Variants in PDSS2 observed in about 807,000 individuals in gnomAD.
PDSS2 encodes the protein all trans-polyprenyl-diphosphate synthase PDSS2.
Under a neutral mutation model 44.5 loss-of-function variants are expected in PDSS2, and 31 were observed. The ratio of observed to expected loss-of-function variants is 0.70; its 90% CI spans 0.52 to 0.94. The LOEUF (loss-of-function observed/expected upper bound fraction) is 0.94, where lower values mean the gene tolerates loss of function less well. Among genes scored for constraint, PDSS2 ranks in the 40% least tolerant of loss-of-function variants. The pLI is 0.00. For missense variants in PDSS2, 452 were observed against 482.2 expected (o/e 0.94, Z 0.59); for synonymous variants, 157 against 180.3 (o/e 0.87, Z 1.03).
chr6:107,428,211 A>G (rs1781064692), intron 1 of PDSS2, among the ~76,000 whole-genome samples: 1 of 152,260 alleles, frequency 6.6e-6, no homozygotes, highest in Non-Finnish European at 1.5e-5. Context: ...TCAAAATAAA[A>G]GGATGCAACA....
chr6:107,431,767 T>C (rs1384628477), intron 1 of PDSS2, among the ~76,000 whole-genome samples: 1 of 152,218 alleles, frequency 6.6e-6, no homozygotes, highest in Non-Finnish European at 1.5e-5. Flanking sequence ...AGTAGCTATA[T>C]TTATTGAACA....
chr6:107,382,913 A>G lies in PDSS2; in HGVS notation c.297-48581T>C, dbSNP rs577564839. 9.8e-5 allele frequency among the ~76,000 whole-genome samples: 15 copies of G among 152,286 alleles called. No homozygotes were observed. In the South Asian group the frequency reaches 1.9e-3, roughly 19 times the overall value. On this transcript the variant is annotated intron_variant, in intron 1 of 7. Coordinates refer to ENST00000369037, the MANE Select transcript of PDSS2 (RefSeq NM_020381.4). ...AAGACGCAGAGTTCAATCAACAGGG[A>G]AAATAATATTTCCAATAAATGGTAT...
chr6:107,202,396 CAAAA>C (rs1772815570), intron 6 of PDSS2, among the ~76,000 whole-genome samples: 1 of 149,636 alleles, frequency 6.7e-6, no homozygotes, highest in Admixed American at 6.7e-5. Context: ...AAAAAACAAA[CAAAA>C]CAAAACAAAA....
intron 1 of PDSS2, among the ~76,000 whole-genome samples, chr6:107,387,078 C>T (rs1339774697): frequency 2.0e-5 from 3 of 152,226 alleles, no homozygotes; most frequent in African/African-American, 7.2e-5. Flanking sequence ...ATTTTTCCAC[C>T]AACCTGTTGC....
At chr6:107,400,647 T>C (rs1780078562) in intron 1 of PDSS2, among the ~76,000 whole-genome samples, 1 of 152,172 alleles carries the variant, frequency 6.6e-6, no homozygotes, top group South Asian at 2.1e-4. Flanking sequence ...TACCACGTGC[T>C]AAGCTGTGGA....
At chr6:107,288,824 A>C (rs1331921985) in intron 2 of PDSS2, among the ~76,000 whole-genome samples, 1 of 132,362 alleles carries the variant, frequency 7.6e-6, no homozygotes, top group East Asian at 2.3e-4. Context: ...CAGTGGTACG[A>C]TCTCGGCTCA....
At chr6:107,205,609 G>A (rs927149621) in intron 6 of PDSS2, among the ~76,000 whole-genome samples, 1 of 152,188 alleles carries the variant, frequency 6.6e-6, no homozygotes, top group Non-Finnish European at 1.5e-5. Flanking sequence ...GGAGAGATCT[G>A]TAGAATTTAG....
chr6:107,381,057 G>A (rs1439133573), intron 1 of PDSS2, among the ~76,000 whole-genome samples: 1 of 152,154 alleles, frequency 6.6e-6, no homozygotes, highest in Non-Finnish European at 1.5e-5. Context: ...TCCATTATCA[G>A]TCTACCCTAT....
chr6:107,422,805 T>TA (rs1377372919), intron 1 of PDSS2, among the ~76,000 whole-genome samples: 1 of 152,096 alleles, frequency 6.6e-6, no homozygotes. Flanking sequence ...TTTCGTTATA[T>TA]ATTTCTGTAT....
rs1770787910 is a variant in PDSS2 at position 107,153,803 on chromosome 6, C to A, written c.*816G>T. The A allele has an allele frequency of 6.6e-6, 1 of 152,344 alleles. No homozygotes were observed. Among genetic ancestry groups the A allele is most frequent in the Non-Finnish European group, 1.5e-5 (1 of 68,086 alleles). The allele number at this position is 152,344 out of a possible 1,614,324, so 9.4% of individuals were successfully genotyped here. Reference sequence around the variant, plus strand: ...AAATCCAGAGACATGAGGCCAGGTGCAGTGGCTCAAGCCTCTAATCCCAGC... The same window carrying A: ...AAATCCAGAGACATGAGGCCAGGTGAAGTGGCTCAAGCCTCTAATCCCAGC... On this transcript the variant is annotated 3_prime_UTR_variant, in exon 8 of 8. Coordinates refer to ENST00000369037, the MANE Select transcript of PDSS2 (RefSeq NM_020381.4).
intron 1 of PDSS2, among the ~76,000 whole-genome samples, chr6:107,441,542 T>C (rs1781510856): frequency 6.6e-6 from 1 of 152,282 alleles, no homozygotes; most frequent in African/African-American, 2.4e-5. Context: ...AAGAATTAGG[T>C]CACAAAATTA....
intron 7 of PDSS2, among the ~76,000 whole-genome samples, chr6:107,163,019 G>A (rs782442092): frequency 6.6e-6 from 1 of 152,080 alleles, no homozygotes; most frequent in Non-Finnish European, 1.5e-5. Context: ...GATAAATCCA[G>A]TTCATAAATC....
intron 2 of PDSS2, among the ~76,000 whole-genome samples, chr6:107,286,100 T>C (rs898808241): frequency 1.6e-5 from 2 of 128,716 alleles, no homozygotes; most frequent in Non-Finnish European, 3.1e-5. Context: ...AGATCTAGGC[T>C]GGAGCCTAGT....
At chr6:107,179,075 T>A (rs1320512567) in intron 7 of PDSS2, among the ~76,000 whole-genome samples, 5 of 152,182 alleles carry the variant, frequency 3.3e-5, no homozygotes, top group African/African-American at 1.2e-4. Context: ...ATGGCATGCA[T>A]CTTAAAGAAA....
chr6:107,351,495 A>T (rs1778433260), intron 1 of PDSS2, among the ~76,000 whole-genome samples: 1 of 152,184 alleles, frequency 6.6e-6, no homozygotes, highest in Admixed American at 6.5e-5. Context: ...ATGCTTGACT[A>T]TTTAGAATAT....
chr6:107,258,347 A>G (rs571292825), intron 3 of PDSS2, among the ~76,000 whole-genome samples: 1 of 152,000 alleles, frequency 6.6e-6, no homozygotes, highest in East Asian at 1.9e-4. Context: ...GGATCTGGTT[A>G]TAAGATGCAA....
intron 1 of PDSS2, among the ~76,000 whole-genome samples, chr6:107,396,295 A>G (rs1779937349): frequency 6.6e-6 from 1 of 152,122 alleles, no homozygotes; most frequent in African/African-American, 2.4e-5. Context: ...CCAAACTTTA[A>G]TCTATGTCTC....
intron 6 of PDSS2, among the ~76,000 whole-genome samples, chr6:107,207,025 T>C (rs1345227087): frequency 3.3e-5 from 5 of 151,834 alleles, no homozygotes; most frequent in Admixed American, 6.6e-5. Flanking sequence ...CGGAGTCTTG[T>C]TCTATCGCCC....
chr6:107,406,783 G>A (rs1780334029), intron 1 of PDSS2, among the ~76,000 whole-genome samples: 1 of 152,208 alleles, frequency 6.6e-6, no homozygotes, highest in African/African-American at 2.4e-5. Flanking sequence ...ATAGAACCAG[G>A]CTGGAAATCA....
Sources: allele counts gnomAD v4.1 joint callset (sites outside exome capture counted in the v4.1 genomes callset), GRCh38; gene constraint gnomAD v4.1.1; transcripts MANE v1.5; gene names NCBI Gene and HGNC (gene_info 2026-07-23, HGNC 2026-07-21).